ADA: variants seen among roughly 807,000 people sequenced by gnomAD.
ADA encodes adenosine deaminase, also known as adenosine aminohydrolase.
A neutral mutation model predicts 49.0 loss-of-function variants in ADA; 45 were observed. The ratio of observed to expected loss-of-function variants is 0.92; its 90% confidence interval spans 0.72 to 1.18. The LOEUF is 1.18. Among genes scored for constraint, ADA ranks in the 50% most tolerant of loss-of-function variants. The pLI, the probability that ADA is intolerant of heterozygous loss-of-function variation, is 0.00. For missense variants in ADA, 445 were observed against 472.5 expected, an observed-to-expected ratio of 0.94 and a Z score of 0.54; for synonymous variants, 173 against 184.2, an observed-to-expected ratio of 0.94 and a Z score of 0.49.
intron 4 of ADA, chr20:44,626,242 T>G: frequency 1.5e-6 from 1 of 685,200 alleles, no homozygotes; most frequent in Non-Finnish European, 2.5e-6. Flanking sequence ...GCCAAACACT[T>G]GTGCCCAAGG....
chr20:44,623,914 C>CA, intron 6 of ADA: 2 of 453,682 alleles, frequency 4.4e-6, no homozygotes, highest in Non-Finnish European at 4.4e-6. Flanking sequence ...TGCCTGACTA[C>CA]TTTTTTTTGT....
intron 1 of ADA, among the ~76,000 whole-genome samples, chr20:44,641,824 G>T (rs1342358815): frequency 1.3e-5 from 2 of 151,144 alleles, no homozygotes; most frequent in African/African-American, 4.9e-5. Flanking sequence ...CTGGAGTGCA[G>T]TGGCAAGATC....
intron 10 of ADA, 137 bp downstream of exon 10, chr20:44,620,881 G>T: frequency 8.5e-7 from 1 of 1,178,092 alleles, no homozygotes; most frequent in Non-Finnish European, 1.3e-6. Flanking sequence ...TCTGTGGAAA[G>T]TGTCTAGGTT....
intron 2 of ADA, among the ~76,000 whole-genome samples, chr20:44,634,780 A>G (rs1394008902): frequency 6.6e-6 from 1 of 152,250 alleles, no homozygotes; most frequent in Non-Finnish European, 1.5e-5. Flanking sequence ...TGCTCCCGAG[A>G]GTTGGGGGCA....
chr20:44,632,528 C>T (rs1011872605), intron 2 of ADA, among the ~76,000 whole-genome samples: 1 of 152,154 alleles, frequency 6.6e-6, no homozygotes, highest in African/African-American at 2.4e-5. Context: ...CAGTGTCTCC[C>T]ATGGGACACA....
In ADA at chr20:44,629,116, A is replaced by G. The variant is rs1057460440; in HGVS notation, c.149T>C (p.Ile50Thr). Reference sequence around the variant, plus strand: ...AAGGGTGAGCGGCTTGTCCATGCCAATGACGTTCAGCAGCCCCTCTGCTGT... The same window carrying G: ...AAGGGTGAGCGGCTTGTCCATGCCAGTGACGTTCAGCAGCCCCTCTGCTGT... The part of the protein sequence containing the change: ...ANTAEGLLNV[I>T]GMDKPLTLPD... Residue 50 changes from isoleucine to threonine, a missense_variant, in exon 3 of 12, where the codon ATT becomes ACT. Transcript: ENST00000372874. 5.0e-6 allele frequency: 8 copies of G among 1,614,090 alleles called. No homozygotes were observed. Among genetic ancestry groups the G allele is most frequent in the Non-Finnish European group, 6.8e-6 (8 of 1,180,034 alleles).
intron 9 of ADA, 33 bp from the exon 10 acceptor site, chr20:44,621,180 C>G: frequency 1.2e-6 from 2 of 1,614,008 alleles, no homozygotes; most frequent in Non-Finnish European, 1.7e-6. Context: ...GAATCAGCCT[C>G]CTTTTACTCT....
At chr20:44,626,402 G>A in intron 4 of ADA, 54 bp downstream of exon 4, 1 of 1,611,980 alleles carries the variant, frequency 6.2e-7, no homozygotes, top group Non-Finnish European at 8.5e-7. Context: ...CAGTCTCAGA[G>A]CTGAGCCTCC....
chr20:44,627,209 T>C (rs1379633867), intron 3 of ADA, among the ~76,000 whole-genome samples: 1 of 149,750 alleles, frequency 6.7e-6, no homozygotes, highest in Non-Finnish European at 1.5e-5. Context: ...TGAGACAGAA[T>C]CTTGCTCTGT....
At chr20:44,636,123 A>G in intron 2 of ADA, 104 bp downstream of exon 2, 5 of 1,089,804 alleles carry the variant, frequency 4.6e-6, no homozygotes, top group Non-Finnish European at 6.9e-6. Flanking sequence ...TCCCACAGGG[A>G]GACAGGAAGG....
intron 2 of ADA, among the ~76,000 whole-genome samples, chr20:44,629,614 C>T (rs1230332854): frequency 6.6e-6 from 1 of 152,180 alleles, no homozygotes; most frequent in South Asian, 2.1e-4. Context: ...CATCACAATT[C>T]CCAGGGTAGG....
chr20:44,635,536 G>T (rs1455456872), intron 2 of ADA, among the ~76,000 whole-genome samples: 1 of 152,204 alleles, frequency 6.6e-6, no homozygotes, highest in African/African-American at 2.4e-5. Flanking sequence ...AGCTCTAGGA[G>T]ATGCTCAAGA....
At chr20:44,636,673 C>T (rs2065483723) in intron 1 of ADA, among the ~76,000 whole-genome samples, 1 of 152,246 alleles carries the variant, frequency 6.6e-6, no homozygotes, top group African/African-American at 2.4e-5. Flanking sequence ...AATTCCAAAG[C>T]TTGTGCTCCA....
intron 1 of ADA, among the ~76,000 whole-genome samples, chr20:44,638,623 C>T (rs1042523291): frequency 3.3e-5 from 5 of 152,136 alleles, no homozygotes; most frequent in East Asian, 1.9e-4. Flanking sequence ...AAGGCCTGCG[C>T]TCCTGCTGGA....
Position 44,619,823 on chromosome 20 carries a change from G to C in ADA, c.*11C>G. The C allele has an allele frequency of 6.2e-7, 1 of 1,614,202 alleles. No individual in the cohort carries two copies. The highest frequency in any genetic ancestry group is 8.5e-7 in the Non-Finnish European group (1 of 1,180,026). On this transcript the variant is annotated 3_prime_UTR_variant, in exon 12 of 12. Coordinates refer to ENST00000372874, the MANE Select transcript of ADA (RefSeq NM_000022.4). ...GACTCCACAGGGTGAAGGCTTGGAG[G>C]AGTGGCGTCTTCAGAGGTTCTGCCC...
chr20:44,650,761 G>A (rs112523242), intron 1 of ADA, among the ~76,000 whole-genome samples: 87 of 152,258 alleles, frequency 5.7e-4, no homozygotes, highest in Non-Finnish European at 1.0e-3. Context: ...AGAAGGGTAA[G>A]TTGAGGCTGA....
At chr20:44,639,110 GT>G (rs2065507987) in intron 1 of ADA, among the ~76,000 whole-genome samples, 1 of 152,246 alleles carries the variant, frequency 6.6e-6, no homozygotes, top group Non-Finnish European at 1.5e-5. Context: ...CCATTGCAGG[GT>G]TGGCAGCTGG....
At chr20:44,646,456 A>T (rs543629459) in intron 1 of ADA, among the ~76,000 whole-genome samples, 1 of 128,764 alleles carries the variant, frequency 7.8e-6, no homozygotes, top group Admixed American at 7.9e-5. Flanking sequence ...GGAAGACAAA[A>T]AGGAGGAGGG....
In ADA at chr20:44,651,611, G is replaced by A. The variant is rs1230720820; in HGVS notation, c.-4C>T. 6.5e-6 allele frequency: 10 copies of A among 1,532,886 alleles called. No homozygotes were observed. The highest frequency in any genetic ancestry group is 2.2e-4 in the Middle Eastern group (1 of 4,488). 95.0% of individuals were successfully genotyped at this position (1,532,886 alleles called of 1,614,324 possible). Reference sequence around the variant, plus strand: ...CGAAGGCGGGCGTCTGGGCCATGGTGCCCTCGTGCGCCCCGGCGCTGCTCC... The same window carrying A: ...CGAAGGCGGGCGTCTGGGCCATGGTACCCTCGTGCGCCCCGGCGCTGCTCC... On this transcript the variant is annotated 5_prime_UTR_variant, in exon 1 of 12. Coordinates refer to ENST00000372874, the MANE Select transcript of ADA (RefSeq NM_000022.4).
Sources: gnomAD v4.1 joint callset for allele counts (sites outside exome capture counted in the v4.1 genomes callset) on GRCh38, gnomAD v4.1.1 for gene constraint, MANE v1.5 for transcripts, NCBI Gene and HGNC (gene_info 2026-07-23, HGNC 2026-07-21) for gene names.